NIM1K: variants seen among roughly 807,000 people sequenced by gnomAD.
NIM1K encodes serine/threonine-protein kinase NIM1.
In NIM1K, 35 loss-of-function variants were observed where a neutral mutation model predicts 37.1. That is an observed-to-expected ratio of 0.94 (90% CI 0.72 to 1.25). The LOEUF is 1.25. Ranked by LOEUF, NIM1K falls within the 50% of genes most tolerant of loss-of-function variation. NIM1K has a pLI of 0.00. For missense variants in NIM1K, 564 were observed against 548.0 expected, an observed-to-expected ratio of 1.03 and a Z score of -0.29; for synonymous variants, 234 against 206.6, an observed-to-expected ratio of 1.13 and a Z score of -1.14.
intron 2 of NIM1K, among the ~76,000 whole-genome samples, chr5:43,268,788 A>G (rs1753208393): frequency 6.6e-6 from 1 of 152,160 alleles, no homozygotes; most frequent in Admixed American, 6.5e-5. Flanking sequence ...TATCATTTAA[A>G]CTACAAACTA....
chr5:43,266,455 C>G (rs1221231798), intron 2 of NIM1K, among the ~76,000 whole-genome samples: 1 of 152,232 alleles, frequency 6.6e-6, no homozygotes, highest in African/African-American at 2.4e-5. Flanking sequence ...GTGCCATTTG[C>G]TAGGACTGTT....
intron 2 of NIM1K, among the ~76,000 whole-genome samples, chr5:43,247,072 C>A (rs1256011869): frequency 6.6e-6 from 1 of 152,100 alleles, no homozygotes; most frequent in Admixed American, 6.5e-5. Flanking sequence ...CTCCAACCCC[C>A]AATCCCATGC....
At position 43,268,886 on chromosome 5, in the gene NIM1K, G is replaced by T. The variant is rs1753211132; in HGVS notation, c.293-8171G>T. Reference sequence around the variant, plus strand: ...GGCAAGAGGGAGGTTGGCTAGATCAGATGTCCCCCACTGCCATAATTGTCT... The same window carrying T: ...GGCAAGAGGGAGGTTGGCTAGATCATATGTCCCCCACTGCCATAATTGTCT... On this transcript the variant is annotated intron_variant, in intron 2 of 3. Coordinates refer to ENST00000326035, the MANE Select transcript of NIM1K (RefSeq NM_153361.4). Among the ~76,000 whole-genome samples, 5 of 151,316 alleles carry T rather than the reference G, an allele frequency of 3.3e-5. No homozygotes were observed. The South Asian group carries it at 1.1e-3, about 32-fold the overall frequency.
intron 1 of NIM1K, chr5:43,206,697 GGCCTC>G: frequency 1.4e-6 from 1 of 697,960 alleles, no homozygotes; most frequent in Non-Finnish European, 2.7e-6. Context: ...TATGGCACAG[GGCCTC>G]GCCTCACTAA....
At chr5:43,217,377 G>T (rs1190306893) in intron 1 of NIM1K, among the ~76,000 whole-genome samples, 1 of 147,642 alleles carries the variant, frequency 6.8e-6, no homozygotes, top group Non-Finnish European at 1.5e-5. Context: ...ATCAGTTGAT[G>T]AATATTGGAT....
At chr5:43,257,000 G>C (rs898804943) in intron 2 of NIM1K, among the ~76,000 whole-genome samples, 3 of 152,160 alleles carry the variant, frequency 2.0e-5, no homozygotes, top group Non-Finnish European at 4.4e-5. Flanking sequence ...CAAGTGAGCA[G>C]GGTATTTATG....
chr5:43,279,989 C>A lies in NIM1K; in HGVS notation c.571C>A (p.Gln191Lys), dbSNP rs778393711. The A allele has an allele frequency of 1.9e-6, 3 of 1,605,422 alleles. No homozygotes were observed. In the East Asian group the frequency reaches 6.7e-5, roughly 36 times the overall value. Residue 191 changes from glutamine to lysine, a missense_variant, in exon 4 of 4, where the codon CAA becomes AAA. Gln to Lys is a moderately conservative substitution (Grantham distance 53, BLOSUM62 1). Transcript: ENST00000326035. ...VSAVKHMHEN[Q>K]IIHRDLKAEN... Reference sequence around the variant, plus strand: ...ATGTCTTCTTCCACAGCATGAAAACCAAATTATTCATAGAGATCTGAAAGC... The same window carrying A: ...ATGTCTTCTTCCACAGCATGAAAACAAAATTATTCATAGAGATCTGAAAGC...
intron 1 of NIM1K, among the ~76,000 whole-genome samples, chr5:43,243,333 T>A (rs778860106): frequency 6.6e-6 from 1 of 152,202 alleles, no homozygotes; most frequent in Non-Finnish European, 1.5e-5. Flanking sequence ...AGCTGCATGG[T>A]GTTTTTCTGC....
intron 2 of NIM1K, among the ~76,000 whole-genome samples, chr5:43,262,732 T>C (rs762676499): frequency 6.6e-6 from 1 of 152,218 alleles, no homozygotes; most frequent in Non-Finnish European, 1.5e-5. Context: ...CCATATGATA[T>C]TGGCTGTGGG....
intron 1 of NIM1K, among the ~76,000 whole-genome samples, chr5:43,210,483 T>C (rs1405037046): frequency 7.2e-5 from 11 of 152,150 alleles, no homozygotes; most frequent in African/African-American, 2.4e-4. Flanking sequence ...TAAAAACTTA[T>C]ACTACAGAGA....
At chr5:43,201,340 C>T (rs924142712) in intron 1 of NIM1K, among the ~76,000 whole-genome samples, 31 of 150,866 alleles carry the variant, frequency 2.1e-4, no homozygotes, top group African/African-American at 7.1e-4. Flanking sequence ...ACCTGGGAGG[C>T]GGAGCTTGCA....
intron 1 of NIM1K, among the ~76,000 whole-genome samples, chr5:43,244,342 T>A (rs1752747015): frequency 1.3e-5 from 2 of 152,224 alleles, no homozygotes; most frequent in Non-Finnish European, 2.9e-5. Flanking sequence ...TACCTACAAG[T>A]CAAAACCAGT....
In NIM1K at chr5:43,213,198, TTTC is replaced by T. The variant is rs1561074781; in HGVS notation, c.-695+20790_-695+20792del. ...CTTTCTTTCTTTCTTTCTTTCTTTC[TTTC>T]TTTCTTTCTTTCTTTCTTTCTTTCC... On this transcript the variant is annotated intron_variant, in intron 1 of 3. Coordinates refer to ENST00000326035, the MANE Select transcript of NIM1K (RefSeq NM_153361.4). Among the ~76,000 whole-genome samples the T allele has an allele frequency of 4.0e-3, 219 of 54,762 alleles. 18 individuals carry two copies. Among genetic ancestry groups the T allele is most frequent in the African/African-American group, 0.011 (185 of 16,634 alleles). 35.9% of individuals were successfully genotyped at this position (54,762 alleles called of 152,430 possible). A position where few individuals can be genotyped will look rare whatever the true frequency, so the allele number is the denominator to read the frequency against.
chr5:43,254,102 T>A (rs1752907213), intron 2 of NIM1K, among the ~76,000 whole-genome samples: 1 of 152,196 alleles, frequency 6.6e-6, no homozygotes, highest in Non-Finnish European at 1.5e-5. Context: ...ATGGATGATG[T>A]TGTTCATCTC....
At chr5:43,278,007 T>G (rs950462990) in intron 3 of NIM1K, among the ~76,000 whole-genome samples, 2 of 149,130 alleles carry the variant, frequency 1.3e-5, no homozygotes, top group Non-Finnish European at 3.0e-5. Flanking sequence ...TCTTCCTCCC[T>G]TCCTTTCTTT....
rs548514097 is a variant in NIM1K at position 43,267,868 on chromosome 5, C to T, written c.293-9189C>T. Among the ~76,000 whole-genome samples the T allele has an allele frequency of 9.9e-3, 1,509 of 152,260 alleles. 22 individuals carry two copies. The highest frequency in any genetic ancestry group is 0.045 in the South Asian group (215 of 4,828). On this transcript the variant is annotated intron_variant, in intron 2 of 3. Transcript: ENST00000326035. The stretch of plus-strand genomic sequence containing the variant: ...TATTGATACTTGTTTTGTAGCCAAT[C>T]TTATGGCCTATGTTGGAATATATTC...
intron 2 of NIM1K, among the ~76,000 whole-genome samples, chr5:43,259,135 G>T (rs993848314): frequency 1.3e-5 from 2 of 152,028 alleles, no homozygotes; most frequent in African/African-American, 4.8e-5. Context: ...TATACACCAC[G>T]TTTTCTTTAC....
At chr5:43,206,564 G>A (rs1308260277) in intron 1 of NIM1K, 2 of 498,096 alleles carry the variant, frequency 4.0e-6, no homozygotes, top group Admixed American at 3.4e-5. Flanking sequence ...AAGTAAATTA[G>A]GAGGGTCTTG....
At chr5:43,253,141 C>T (rs1195522866) in intron 2 of NIM1K, among the ~76,000 whole-genome samples, 1 of 144,116 alleles carries the variant, frequency 6.9e-6, no homozygotes, top group Non-Finnish European at 1.5e-5. Flanking sequence ...CCATGACTGG[C>T]CTTCATTCCT....
Sources: allele counts gnomAD v4.1 joint callset (sites outside exome capture counted in the v4.1 genomes callset), GRCh38; gene constraint gnomAD v4.1.1; transcripts MANE v1.5; gene names NCBI Gene and HGNC (gene_info 2026-07-23, HGNC 2026-07-21).